The following TRRAP variants were observed in gnomAD, a reference collection of about 807,000 sequenced individuals.
TRRAP encodes the protein transformation/transcription domain-associated protein.
Under a neutral mutation model 438.8 loss-of-function variants are expected in TRRAP, and 41 were observed. The ratio of observed to expected loss-of-function variants is 0.09; its 90% CI spans 0.07 to 0.12. The LOEUF (loss-of-function observed/expected upper bound fraction) is 0.12. Ranked by LOEUF, TRRAP falls within the 10% of genes least tolerant of loss-of-function variation. The probability of loss-of-function intolerance (pLI) is 1.00; values close to 1 mark genes in which losing one functional copy is unlikely to be tolerated. For synonymous variants in TRRAP, 1,994 were observed against 1,962.9 expected, an observed-to-expected ratio of 1.02 and a Z score of -0.42; for missense variants, 3,122 against 5,055.1, an observed-to-expected ratio of 0.62 and a Z score of 11.60.
intron 69 of TRRAP, among the ~76,000 whole-genome samples, chr7:99,007,707 G>A (rs937174004): frequency 3.3e-5 from 5 of 151,568 alleles, no homozygotes; most frequent in Admixed American, 6.6e-5. Flanking sequence ...GGAGTGCAGT[G>A]GCGCAGTCAC....
chr7:98,891,122 A>G (rs1405872933), intron 4 of TRRAP, among the ~76,000 whole-genome samples: 6 of 147,918 alleles, frequency 4.1e-5, no homozygotes, highest in Non-Finnish European at 6.0e-5. Context: ...AGCTATGGTC[A>G]ATTTTGTTTT....
intron 26 of TRRAP, among the ~76,000 whole-genome samples, chr7:98,932,624 G>A (rs1353197427): frequency 1.3e-5 from 2 of 151,988 alleles, no homozygotes; most frequent in African/African-American, 2.4e-5. Flanking sequence ...GATTACAGGC[G>A]TGAGCCACCG....
In TRRAP at chr7:99,013,174, T is replaced by C. The variant is rs1794495676; in HGVS notation, c.*819T>C. The C allele has an allele frequency of 6.6e-6, 1 of 152,268 alleles. No individual in the cohort carries two copies. Among genetic ancestry groups the C allele is most frequent in the Non-Finnish European group, 1.5e-5 (1 of 68,040 alleles). 9.4% of individuals were successfully genotyped at this position (152,268 alleles called of 1,614,324 possible). The stretch of plus-strand genomic sequence containing the variant: ...GTTCCCATTTTTATAAATCTGAGCA[T>C]TGATAATGTTCTATCTAAATTTGTA... On this transcript the variant is annotated 3_prime_UTR_variant, in exon 73 of 73. Coordinates refer to ENST00000456197, the MANE Select transcript of TRRAP (RefSeq NM_001375524.1).
intron 23 of TRRAP, among the ~76,000 whole-genome samples, chr7:98,927,764 A>G (rs1217882783): frequency 5.3e-5 from 8 of 151,514 alleles, no homozygotes; most frequent in African/African-American, 1.7e-4. Context: ...TCTCCAACCC[A>G]TGCCTCGCAG....
In TRRAP at chr7:98,932,104, C is replaced by T. The variant is rs1356794210; in HGVS notation, c.3852+439C>T. ...TAGTTTATTTTTTATTTTTTTTTAA[C>T]TTTTATTTATTTATTTAATTATTTA... On this transcript the variant is annotated intron_variant, in intron 26 of 72. Transcript: ENST00000456197. 4.0e-5 allele frequency among the ~76,000 whole-genome samples: 6 copies of T among 150,528 alleles called. No individual in the cohort carries two copies. The South Asian group carries it at 1.3e-3, about 32-fold the overall frequency.
intron 2 of TRRAP, 39 bp downstream of exon 2, chr7:98,881,289 A>G: frequency 6.4e-7 from 1 of 1,557,392 alleles, no homozygotes; most frequent in Non-Finnish European, 8.7e-7. Context: ...ATGCATAAAT[A>G]AGGCCGGATG....
chr7:98,923,361 A>G (rs1258472935), intron 21 of TRRAP, among the ~76,000 whole-genome samples: 1 of 152,196 alleles, frequency 6.6e-6, no homozygotes, highest in African/African-American at 2.4e-5. Context: ...GTGCCTGTCA[A>G]GGCATTCTTT....
At position 98,903,219 on chromosome 7, in the gene TRRAP, A is replaced by G. The variant is rs6465730; in HGVS notation, c.898-160A>G. ...GTATTTTTAGTAGAGATGGGGTTTC[A>G]CCATGTTGGCCAGGCTAGTCTTGAT... On this transcript the variant is annotated intron_variant, in intron 11 of 72. Coordinates refer to ENST00000456197, the MANE Select transcript of TRRAP (RefSeq NM_001375524.1). 0.93 allele frequency among the ~76,000 whole-genome samples: 141,106 copies of G among 152,206 alleles called. 65,574 individuals carry two copies. Among genetic ancestry groups the G allele is most frequent in the African/African-American group, 0.98 (40,789 of 41,552 alleles).
At position 98,990,094 on chromosome 7, in the gene TRRAP, G is replaced by A. The variant is rs1310209306; in HGVS notation, c.9592-361G>A. Among the ~76,000 whole-genome samples, 4 of 152,234 alleles carry A rather than the reference G, an allele frequency of 2.6e-5. No homozygotes were observed. In the East Asian group the frequency reaches 7.7e-4, roughly 29 times the overall value. ...AATACAAAAATTAGCCAGGCGTGGTGGTGTGTGCCTGTAGTCCCAGCTACT... is the reference window on the plus strand; with the variant it reads ...AATACAAAAATTAGCCAGGCGTGGTAGTGTGTGCCTGTAGTCCCAGCTACT... On this transcript the variant is annotated intron_variant, in intron 63 of 72. Coordinates refer to ENST00000456197, the MANE Select transcript of TRRAP (RefSeq NM_001375524.1).
Position 99,005,170 on chromosome 7 carries a change from C to T in TRRAP, c.10575C>T (p.Thr3525=), listed in dbSNP as rs760992120. ...PRVEIVQKHN[T]AARRLYIRGH... The stretch of plus-strand genomic sequence containing the variant: ...TAGAGATTGTGCAGAAGCACAACAC[C>T]GCAGCCCGGCGGCTGTACATCCGGG... The change falls in exon 69 of 73, where the codon ACC becomes ACT. Residue 3525 remains threonine, a synonymous_variant. Transcript: ENST00000456197. The surrounding 1 kb of genome is among the most constrained non-coding windows in gnomAD (Gnocchi z 5.1). The T allele has an allele frequency of 1.2e-5, 19 of 1,613,870 alleles. No homozygotes were observed. Among genetic ancestry groups the T allele is most frequent in the South Asian group, 4.4e-5 (4 of 91,092 alleles).
rs781924929 is a variant in TRRAP at position 98,890,330 on chromosome 7, A to C, written c.151-5A>C. 10 of 1,533,254 alleles carry C rather than the reference A, an allele frequency of 6.5e-6. No individual in the cohort carries two copies. Among genetic ancestry groups the C allele is most frequent in the Non-Finnish European group, 8.8e-6 (10 of 1,142,668 alleles). The allele number at this position is 1,533,254 out of a possible 1,614,324, so 95.0% of individuals were successfully genotyped here. On this transcript the variant is annotated splice_region_variant and splice_polypyrimidine_tract_variant and intron_variant, in intron 3 of 72. Coordinates refer to ENST00000456197, the MANE Select transcript of TRRAP (RefSeq NM_001375524.1). ...GAATGGGGTCTTTTATTTTTGCACA[A>C]TTAGAATGTCACGTCATCTCCTCAG...
rs199545992 is a variant in TRRAP at position 98,994,560 on chromosome 7, C to T, written c.10048-27C>T. 1.5e-4 allele frequency: 235 copies of T among 1,612,658 alleles called. 1 individual carries two copies. In the East Asian group the frequency reaches 4.8e-3, roughly 33 times the overall value. ...TTCTGGAGTGGAGGGCTGTGTTTGT[C>T]AGTTGTCTCTGGCTCTTTTCTACCA... On this transcript the variant is annotated intron_variant, in intron 66 of 72. Transcript: ENST00000456197. This position sits in a 1 kb window ranked among gnomAD's most constrained non-coding sequence, Gnocchi z 4.8.
intron 69 of TRRAP, among the ~76,000 whole-genome samples, chr7:99,007,661 A>AT (rs1794240538): frequency 7.2e-6 from 1 of 137,950 alleles, no homozygotes; most frequent in Non-Finnish European, 1.6e-5. Context: ...GTTTATTCTT[A>AT]TTTTTTAGAC....
intron 53 of TRRAP, among the ~76,000 whole-genome samples, chr7:98,973,339 C>T (rs1350729122): frequency 6.6e-6 from 1 of 152,164 alleles, no homozygotes; most frequent in East Asian, 1.9e-4. Context: ...CCCAAGGCCT[C>T]CTTTGGCTGA....
chr7:98,970,979 T>C (rs1359898154), intron 52 of TRRAP, among the ~76,000 whole-genome samples: 1 of 152,134 alleles, frequency 6.6e-6, no homozygotes, highest in Non-Finnish European at 1.5e-5. Flanking sequence ...TTTTGTAGGC[T>C]GTATCTCCTT....
intron 30 of TRRAP, among the ~76,000 whole-genome samples, chr7:98,941,740 T>C (rs1429601544): frequency 2.0e-5 from 3 of 152,150 alleles, no homozygotes; most frequent in African/African-American, 7.2e-5. Context: ...TGTATTATTG[T>C]ATGCATTTCT....
intron 4 of TRRAP, among the ~76,000 whole-genome samples, chr7:98,891,536 CTTTTTT>C (rs561135092): frequency 8.6e-6 from 1 of 116,946 alleles, no homozygotes. Flanking sequence ...GCATGTAGCT[CTTTTTT>C]TTTTTTTTTT....
In TRRAP at chr7:98,976,111, C is replaced by A. The variant is rs1274193488; in HGVS notation, c.7840-38C>A. 6.2e-7 allele frequency: 1 copy of A among 1,610,666 alleles called. No individual in the cohort carries two copies. The highest frequency in any genetic ancestry group is 2.2e-5 in the East Asian group (1 of 44,816). The stretch of plus-strand genomic sequence containing the variant: ...GCGTGGTTGTGCGAGGCACCCCCAG[C>A]CCGTGGCCATCTCAGCCTGTTGTCT... On this transcript the variant is annotated intron_variant, in intron 53 of 72. Transcript: ENST00000456197. The surrounding 1 kb of genome is among the most constrained non-coding windows in gnomAD (Gnocchi z 4.6).
intron 20 of TRRAP, among the ~76,000 whole-genome samples, chr7:98,918,227 C>CTTTTT (rs71118647): frequency 3.0e-4 from 25 of 83,186 alleles, no homozygotes; most frequent in African/African-American, 6.3e-4. Context: ...GGGTTATATT[C>CTTTTT]TTTTTTTTTT....
Sources: gnomAD v4.1 joint callset for allele counts (sites outside exome capture counted in the v4.1 genomes callset) on GRCh38, gnomAD v4.1.1 for gene constraint, Gnocchi (gnomAD v3.1) non-coding constraint, MANE v1.5 for transcripts, NCBI Gene and HGNC (gene_info 2026-07-23, HGNC 2026-07-21) for gene names.